RCHY1: variants seen among roughly 807,000 people sequenced by gnomAD.
RCHY1 encodes RING finger and CHY zinc finger domain-containing protein 1.
In RCHY1, 21 loss-of-function variants were observed where a neutral mutation model predicts 41.6. The observed-to-expected ratio is 0.51, with a 90% CI of 0.36 to 0.73. The LOEUF (loss-of-function observed/expected upper bound fraction) is 0.73, where lower values mean the gene tolerates loss of function less well. Among genes scored for constraint, RCHY1 ranks in the 30% least tolerant of loss-of-function variants. The pLI is 0.00. For missense variants in RCHY1, 265 were observed against 325.3 expected (o/e 0.81, Z 1.43); for synonymous variants, 79 against 102.9 (o/e 0.77, Z 1.41).
At chr4:75,500,421 T>G (rs945595831) in intron 3 of RCHY1, among the ~76,000 whole-genome samples, 1 of 152,216 alleles carries the variant, frequency 6.6e-6, no homozygotes, top group Non-Finnish European at 1.5e-5. Context: ...TACCAAAAAA[T>G]TAAGACCAGA....
At chr4:75,498,804 A>C (rs1723462420) in intron 3 of RCHY1, among the ~76,000 whole-genome samples, 3 of 152,202 alleles carry the variant, frequency 2.0e-5, no homozygotes, top group Admixed American at 1.3e-4. Context: ...TGGATTAAAG[A>C]CTTAAACCTA....
chr4:75,512,156 A>G (rs1452677946), intron 1 of RCHY1, among the ~76,000 whole-genome samples: 1 of 152,208 alleles, frequency 6.6e-6, no homozygotes, highest in African/African-American at 2.4e-5. Flanking sequence ...TTGCTGGTTC[A>G]TATGAGGTGG....
At chr4:75,488,795 C>A (rs968872179) in intron 8 of RCHY1, among the ~76,000 whole-genome samples, 2 of 152,096 alleles carry the variant, frequency 1.3e-5, no homozygotes, top group African/African-American at 2.4e-5. Context: ...GCATTCCAGC[C>A]AGGCAAGGTG....
chr4:75,490,473 T>G lies in RCHY1; in HGVS notation c.657+108A>C. On this transcript the variant is annotated intron_variant, in intron 8 of 8. Transcript: ENST00000324439. ...CCATTAATCATCACATTAGCATCTG[T>G]GTCAAACCAGTATATATATATTTTT... 4.0e-6 allele frequency: 3 copies of G among 748,918 alleles called. No homozygotes were observed. In the South Asian group the frequency reaches 8.0e-5, roughly 20 times the overall value. The allele number at this position is 748,918 out of a possible 1,614,324, so 46.4% of individuals were successfully genotyped here.
At chr4:75,493,000 A>G (rs900943794) in intron 4 of RCHY1, among the ~76,000 whole-genome samples, 1 of 152,010 alleles carries the variant, frequency 6.6e-6, no homozygotes, top group African/African-American at 2.4e-5. Flanking sequence ...CTCTGAGTTG[A>G]TGGAATGTAA....
rs560361475 is a variant in RCHY1 at position 75,487,615 on chromosome 4, AATAT to A, written c.657+2962_657+2965del. Among the ~76,000 whole-genome samples, 118 of 39,880 alleles carry A rather than the reference AATAT, an allele frequency of 3.0e-3. 14 individuals are homozygous for A. The highest frequency in any genetic ancestry group is 4.2e-3 in the Non-Finnish European group (94 of 22,202). The allele number at this position is 39,880 out of a possible 152,430, so 26.2% of individuals were successfully genotyped here. On this transcript the variant is annotated intron_variant, in intron 8 of 8. Coordinates refer to ENST00000324439, the MANE Select transcript of RCHY1 (RefSeq NM_015436.4). ...ATAATATATATTCATATATATTCAT[AATAT>A]ATATATTCATAATATATATATTCAT...
rs1379019513 is a variant in RCHY1, at chr4:75,482,459, G to T, written c.*79C>A. 76 of 1,347,594 alleles carry T rather than the reference G, an allele frequency of 5.6e-5. No individual in the cohort carries two copies. In the East Asian group the frequency reaches 1.7e-3, roughly 31 times the overall value. 83.5% of individuals were successfully genotyped at this position (1,347,594 alleles called of 1,614,324 possible). ...ACATCAACTCTAATGCATAGATGAC[G>T]ACACATGATAACACGATACCAAGGA... On this transcript the variant is annotated 3_prime_UTR_variant, in exon 9 of 9. Coordinates refer to ENST00000324439, the MANE Select transcript of RCHY1 (RefSeq NM_015436.4).
chr4:75,494,027 A>G (rs1722968807), intron 4 of RCHY1, 74 bp downstream of exon 4: 5 of 884,920 alleles, frequency 5.7e-6, no homozygotes, highest in Non-Finnish European at 8.6e-6. Context: ...GCATGCTTCC[A>G]AAACATATTA....
At position 75,491,939 on chromosome 4, in the gene RCHY1, TAA is replaced by T; in HGVS notation, c.406-8_406-7del. On this transcript the variant is annotated splice_region_variant and splice_polypyrimidine_tract_variant and intron_variant, in intron 4 of 8. Transcript: ENST00000324439. The stretch of plus-strand genomic sequence containing the variant: ...CGGGACACATTTTCAATACACTGTT[TAA>T]AAGAGAAATTCACATTAACAAAAGC... 1 of 1,583,726 alleles carries T rather than the reference TAA, an allele frequency of 6.3e-7. No individual in the cohort carries two copies. The highest frequency in any genetic ancestry group is 1.2e-5 in the South Asian group (1 of 84,224).
chr4:75,483,485 GGAT>G (rs1378540879), intron 8 of RCHY1, among the ~76,000 whole-genome samples: 2 of 151,940 alleles, frequency 1.3e-5, no homozygotes, highest in East Asian at 3.8e-4. Context: ...TTCCTTTTTG[GGAT>G]GATAAAAATG....
At chr4:75,495,484 T>C (rs897592382) in intron 3 of RCHY1, among the ~76,000 whole-genome samples, 3 of 152,026 alleles carry the variant, frequency 2.0e-5, no homozygotes, top group Non-Finnish European at 4.4e-5. Flanking sequence ...TTTTCCAACA[T>C]ACCTGGACGT....
intron 3 of RCHY1, 28 bp from the exon 4 acceptor site, chr4:75,494,207 T>C: frequency 1.4e-6 from 2 of 1,443,996 alleles, no homozygotes; most frequent in Non-Finnish European, 9.5e-7. Flanking sequence ...AGCCAAAAGA[T>C]TAGATTATTT....
In RCHY1 at chr4:75,514,247, C is replaced by G. The variant is rs757499951; in HGVS notation, c.40G>C (p.Glu14Gln). Residue 14 changes from glutamate to glutamine, a missense_variant, in exon 1 of 9, where the codon GAG becomes CAG. Transcript: ENST00000324439. ...TAREDGASGQERGQRGCEHYD... is the reference protein window; with the variant it reads ...TAREDGASGQQRGQRGCEHYD... The stretch of plus-strand genomic sequence containing the variant: ...TGCTCGCAGCCCCGCTGACCTCGCT[C>G]TTGACCGCTGGCGCCATCTTCCCGG... 2 of 1,613,094 alleles carry G rather than the reference C, an allele frequency of 1.2e-6. No homozygotes were observed. The highest frequency in any genetic ancestry group is 2.2e-5 in the South Asian group (2 of 91,056).
At position 75,482,614 on chromosome 4, in the gene RCHY1, C is replaced by T; in HGVS notation, c.710G>A (p.Gly237Asp). Residue 237 changes from glycine (G) to aspartate (D), a missense_variant, in exon 9 of 9, where the codon GGC becomes GAC. By Grantham distance (94) the Gly-to-Asp change is moderately conservative. Transcript: ENST00000324439. ...GRSTVQFHIL[G>D]MKCKICESYN... The stretch of plus-strand genomic sequence containing the variant: ...GGATTCACAAATCTTACATTTCATG[C>T]CTAATATATGAAACTGAACAGTGGA... 1 of 1,610,656 alleles carries T rather than the reference C, an allele frequency of 6.2e-7. No individual in the cohort carries two copies. Among genetic ancestry groups the T allele is most frequent in the South Asian group, 1.1e-5 (1 of 90,894 alleles).
chr4:75,503,478 C>T (rs553137079), intron 3 of RCHY1, among the ~76,000 whole-genome samples: 8 of 152,194 alleles, frequency 5.3e-5, no homozygotes, highest in Non-Finnish European at 8.8e-5. Flanking sequence ...GGGCGGATCA[C>T]GAGGTCAGGA....
chr4:75,494,443 T>C, intron 3 of RCHY1: 1 of 344,344 alleles, frequency 2.9e-6, no homozygotes, highest in Non-Finnish European at 5.2e-6. Flanking sequence ...ACATTTCGGG[T>C]TTGATTTCTT....
At chr4:75,501,071 A>C (rs1723701421) in intron 3 of RCHY1, among the ~76,000 whole-genome samples, 1 of 152,162 alleles carries the variant, frequency 6.6e-6, no homozygotes, top group Non-Finnish European at 1.5e-5. Context: ...GTGCAATGGC[A>C]CGATTTTGGC....
rs1721339103 is a variant in RCHY1 at position 75,479,221 on chromosome 4, AC to A, written c.*3316del. ...TTCTACACTGTAAACATATATCAAA[AC>A]ATCACATTGTACTCCATATATATAA... is the stretch of plus-strand genomic sequence containing the variant. On this transcript the variant is annotated 3_prime_UTR_variant, in exon 9 of 9. Transcript: ENST00000324439. 1.3e-5 allele frequency: 2 copies of A among 152,126 alleles called. No homozygotes were observed. Among genetic ancestry groups the A allele is most frequent in the South Asian group, 4.1e-4 (2 of 4,824 alleles). The allele number at this position is 152,126 out of a possible 1,614,324, so 9.4% of individuals were successfully genotyped here. A position where few individuals can be genotyped will look rare whatever the true frequency, so the allele number is the denominator to read the frequency against.
At chr4:75,482,771 T>C (rs1283362524) in intron 8 of RCHY1, 105 bp from the exon 9 acceptor site, 22 of 712,448 alleles carry the variant, frequency 3.1e-5, no homozygotes, top group Non-Finnish European at 3.7e-5. Flanking sequence ...TGAAAATACA[T>C]ACATAAGTCT....
Sources: gnomAD v4.1 joint callset for allele counts (sites outside exome capture counted in the v4.1 genomes callset) on GRCh38, gnomAD v4.1.1 for gene constraint, MANE v1.5 for transcripts, NCBI Gene and HGNC (gene_info 2026-07-23, HGNC 2026-07-21) for gene names.